Variants in RIT2 observed in about 807,000 individuals in gnomAD.
RIT2 encodes the protein Ras like without CAAX 2.
A neutral mutation model predicts 23.7 loss-of-function variants in RIT2; 24 were observed. That is an observed-to-expected ratio of 1.01 (90% CI 0.73 to 1.43). The LOEUF is 1.43. Ranked by LOEUF, RIT2 falls within the 40% of genes most tolerant of loss-of-function variation. The pLI is 0.00. For missense variants in RIT2, 236 were observed against 266.9 expected (o/e 0.88, Z 0.81); for synonymous variants, 107 against 91.1 (o/e 1.17, Z -0.99).
chr18:43,043,918 T>G (rs956366987), intron 1 of RIT2, among the ~76,000 whole-genome samples: 3 of 152,132 alleles, frequency 2.0e-5, no homozygotes, highest in African/African-American at 7.2e-5. Context: ...TAAATTGCAT[T>G]GAGTTGAGGA....
At chr18:42,789,738 G>T (rs912350664) in intron 4 of RIT2, among the ~76,000 whole-genome samples, 1 of 151,984 alleles carries the variant, frequency 6.6e-6, no homozygotes, top group Non-Finnish European at 1.5e-5. Flanking sequence ...GAATCTTTAG[G>T]GTTTCCTAGA....
At chr18:42,795,290 G>A (rs947799147) in intron 4 of RIT2, among the ~76,000 whole-genome samples, 5 of 152,210 alleles carry the variant, frequency 3.3e-5, no homozygotes, top group Non-Finnish European at 5.9e-5. Flanking sequence ...CAGTGCTTGC[G>A]GGCCAGCTGG....
At chr18:42,809,597 T>C (rs546943540) in intron 4 of RIT2, among the ~76,000 whole-genome samples, 5 of 151,974 alleles carry the variant, frequency 3.3e-5, no homozygotes, top group African/African-American at 1.2e-4. Context: ...TACAGTTTTG[T>C]ATGAATATAT....
At chr18:43,098,699 T>C (rs1050525152) in intron 1 of RIT2, among the ~76,000 whole-genome samples, 1 of 152,026 alleles carries the variant, frequency 6.6e-6, no homozygotes, top group Non-Finnish European at 1.5e-5. Context: ...TAAGAATTCA[T>C]TGGAAGCCTA....
At position 42,894,761 on chromosome 18, in the gene RIT2, A is replaced by G. The variant is rs1157420130; in HGVS notation, c.426+28811T>C. On this transcript the variant is annotated intron_variant, in intron 4 of 4. Coordinates refer to ENST00000326695, the MANE Select transcript of RIT2 (RefSeq NM_002930.4). ...TGTGGGGAAGAAATTATACTGTAGTATGATAGGCAATCACATTGACTGACT... is the reference window on the plus strand; with the variant it reads ...TGTGGGGAAGAAATTATACTGTAGTGTGATAGGCAATCACATTGACTGACT... Among the ~76,000 whole-genome samples, 6 of 152,226 alleles carry G rather than the reference A, an allele frequency of 3.9e-5. No homozygotes were observed. The East Asian group carries it at 5.8e-4, about 15-fold the overall frequency.
chr18:42,783,319 G>A (rs921144965), intron 4 of RIT2, among the ~76,000 whole-genome samples: 5 of 152,020 alleles, frequency 3.3e-5, no homozygotes, highest in African/African-American at 1.2e-4. Context: ...AGAAAGTGGT[G>A]ATGGAGAAAT....
intron 4 of RIT2, among the ~76,000 whole-genome samples, chr18:42,793,946 C>T (rs1221880828): frequency 1.3e-5 from 2 of 151,972 alleles, no homozygotes; most frequent in Non-Finnish European, 2.9e-5. Context: ...TTGGAAAAGC[C>T]TTCTCTCATA....
chr18:42,910,447 ACCCACAAC>A (rs1382315807), intron 4 of RIT2, among the ~76,000 whole-genome samples: 8 of 152,030 alleles, frequency 5.3e-5, no homozygotes, highest in Non-Finnish European at 7.4e-5. Flanking sequence ...AAGCCTGGAA[ACCCACAAC>A]CCTAAATGGG....
intron 2 of RIT2, among the ~76,000 whole-genome samples, chr18:43,000,287 G>A (rs375863561): frequency 1.1e-4 from 17 of 152,076 alleles, no homozygotes; most frequent in African/African-American, 4.1e-4. Flanking sequence ...CAGAAGTGCA[G>A]AAAAATACAT....
chr18:42,874,932 A>G (rs1907707346), intron 4 of RIT2, among the ~76,000 whole-genome samples: 1 of 152,136 alleles, frequency 6.6e-6, no homozygotes, highest in Non-Finnish European at 1.5e-5. Context: ...CCAGGAATGT[A>G]TTCCTCTGAA....
At chr18:42,817,047 A>G (rs1906018312) in intron 4 of RIT2, among the ~76,000 whole-genome samples, 1 of 152,176 alleles carries the variant, frequency 6.6e-6, no homozygotes, top group Non-Finnish European at 1.5e-5. Flanking sequence ...CAGACTTCAA[A>G]GAGCAAAGAT....
At chr18:42,808,886 A>G (rs1252169999) in intron 4 of RIT2, among the ~76,000 whole-genome samples, 3 of 152,152 alleles carry the variant, frequency 2.0e-5, no homozygotes, top group Non-Finnish European at 4.4e-5. Flanking sequence ...TAAATATAAA[A>G]TAATATTGAT....
chr18:42,875,576 T>G (rs1460260160), intron 4 of RIT2, among the ~76,000 whole-genome samples: 1 of 152,076 alleles, frequency 6.6e-6, no homozygotes, highest in Admixed American at 6.6e-5. Flanking sequence ...TTATTCAATA[T>G]GCTGAGTTCA....
intron 2 of RIT2, among the ~76,000 whole-genome samples, chr18:42,986,656 C>G (rs760576764): frequency 6.6e-6 from 1 of 151,436 alleles, no homozygotes; most frequent in African/African-American, 2.4e-5. Flanking sequence ...TGTGTGCAAC[C>G]GTGCCCAGCT....
At chr18:42,934,710 T>A (rs1338051937) in intron 3 of RIT2, among the ~76,000 whole-genome samples, 1 of 152,176 alleles carries the variant, frequency 6.6e-6, no homozygotes, top group Non-Finnish European at 1.5e-5. Context: ...TTGTATAGCA[T>A]ATGTTTTATT....
intron 4 of RIT2, among the ~76,000 whole-genome samples, chr18:42,834,216 G>A (rs1906537821): frequency 6.6e-6 from 1 of 152,132 alleles, no homozygotes; most frequent in South Asian, 2.1e-4. Context: ...AGGACTGACT[G>A]TTTTGTCCAA....
chr18:43,026,612 GAAAGAAAGAAAGAAAGAAAGAA>G (rs1568059869), intron 2 of RIT2, among the ~76,000 whole-genome samples: 20 of 142,086 alleles, frequency 1.4e-4, no homozygotes, highest in Middle Eastern at 3.6e-3. Context: ...AAGAAAGAAA[GAAAGAAAGAAAGAAAGAAAGAA>G]AGAGAGAAAG....
intron 4 of RIT2, among the ~76,000 whole-genome samples, chr18:42,764,881 TCTTA>T (rs763621962): frequency 3.3e-5 from 5 of 152,250 alleles, no homozygotes; most frequent in Admixed American, 6.5e-5. Flanking sequence ...TGTGATGCAG[TCTTA>T]CTTACTTTGT....
At chr18:42,771,819 T>C (rs571244505) in intron 4 of RIT2, among the ~76,000 whole-genome samples, 8 of 152,294 alleles carry the variant, frequency 5.3e-5, no homozygotes, top group African/African-American at 1.9e-4. Context: ...ATGAGCAATA[T>C]AGTAGTTCAA....
Sources: gnomAD v4.1 joint callset for allele counts (sites outside exome capture counted in the v4.1 genomes callset) on GRCh38, gnomAD v4.1.1 for gene constraint, MANE v1.5 for transcripts, NCBI Gene and HGNC (gene_info 2026-07-23, HGNC 2026-07-21) for gene names.